Variants in LSM14A observed in about 807,000 individuals in gnomAD.
The protein encoded by LSM14A is LSM14A mRNA processing body assembly factor.
In LSM14A, 14 loss-of-function variants were observed where a neutral mutation model predicts 52.4. The ratio of observed to expected loss-of-function variants is 0.27; its 90% CI spans 0.18 to 0.42. The LOEUF (loss-of-function observed/expected upper bound fraction) is 0.42, where lower values mean the gene tolerates loss of function less well. LSM14A is among the 10% of genes least tolerant of loss of function. The probability of loss-of-function intolerance (pLI) is 1.00; values close to 1 mark genes in which losing one functional copy is unlikely to be tolerated. For synonymous variants in LSM14A, 185 were observed against 200.3 expected, an observed-to-expected ratio of 0.92 and a Z score of 0.64; for missense variants, 417 against 581.8, an observed-to-expected ratio of 0.72 and a Z score of 2.91.
intron 1 of LSM14A, among the ~76,000 whole-genome samples, chr19:34,182,029 C>T (rs896540831): frequency 6.6e-6 from 1 of 152,108 alleles, no homozygotes; most frequent in South Asian, 2.1e-4. Flanking sequence ...TGATCCGAAC[C>T]TATCAGCTCT....
chr19:34,209,240 T>C (rs551475042), intron 4 of LSM14A, among the ~76,000 whole-genome samples, 189 bp downstream of exon 4: 31 of 152,366 alleles, frequency 2.0e-4, no homozygotes, highest in Admixed American at 4.6e-4. Context: ...TTTAGACTTA[T>C]TACAGTTCTT....
intron 2 of LSM14A, among the ~76,000 whole-genome samples, chr19:34,195,614 C>T (rs551358291): frequency 3.3e-5 from 5 of 152,310 alleles, no homozygotes; most frequent in African/African-American, 7.2e-5. Context: ...AAATTCTCTA[C>T]TCTCATCTAC....
intron 1 of LSM14A, among the ~76,000 whole-genome samples, chr19:34,192,316 G>GGTTTTTTTTTTTTTTTTTTTTTTTT (rs1341848304): frequency 6.1e-5 from 4 of 65,822 alleles, no homozygotes; most frequent in Non-Finnish European, 5.8e-5. Flanking sequence ...CATTCTTTTT[G>GGTTTTTTTTTTTTTTTTTTTTTTTT]TTGTTTTTTT....
intron 3 of LSM14A, among the ~76,000 whole-genome samples, chr19:34,204,407 T>C (rs1039979277): frequency 1.4e-4 from 21 of 152,048 alleles, no homozygotes; most frequent in African/African-American, 4.8e-5. Context: ...CAAGGGAAAT[T>C]AGAGAATATT....
intron 4 of LSM14A, among the ~76,000 whole-genome samples, chr19:34,210,230 T>C (rs912710951): frequency 2.0e-5 from 3 of 152,144 alleles, no homozygotes; most frequent in African/African-American, 7.2e-5. Flanking sequence ...TATTTTGAAA[T>C]AGTTCTTACT....
intron 1 of LSM14A, among the ~76,000 whole-genome samples, chr19:34,184,342 T>C (rs929700052): frequency 7.2e-5 from 11 of 152,236 alleles, no homozygotes; most frequent in African/African-American, 2.4e-4. Context: ...CATGAGCCAC[T>C]GCGCCCAGCC....
intron 1 of LSM14A, among the ~76,000 whole-genome samples, chr19:34,184,267 G>T (rs2069723270): frequency 6.6e-6 from 1 of 151,986 alleles, no homozygotes; most frequent in African/African-American, 2.4e-5. Flanking sequence ...TGGCCAGGCT[G>T]GTCTCGAACT....
At chr19:34,226,535 T>G in intron 9 of LSM14A, 1 of 1,284,730 alleles carries the variant, frequency 7.8e-7, no homozygotes, top group Non-Finnish European at 1.1e-6. Flanking sequence ...ATCTTGTAGC[T>G]CATTGCTGTC....
intron 1 of LSM14A, among the ~76,000 whole-genome samples, chr19:34,175,592 G>C (rs766880585): frequency 1.3e-5 from 2 of 152,186 alleles, no homozygotes; most frequent in Admixed American, 1.3e-4. Context: ...GATTATGTTC[G>C]CAAAAACTGA....
At chr19:34,178,137 G>A (rs1170107301) in intron 1 of LSM14A, among the ~76,000 whole-genome samples, 6 of 151,362 alleles carry the variant, frequency 4.0e-5, no homozygotes, top group Admixed American at 3.9e-4. Context: ...CTCTAGCCTG[G>A]GCAACAGAGC....
intron 3 of LSM14A, among the ~76,000 whole-genome samples, chr19:34,204,136 C>T (rs1229783740): frequency 5.3e-5 from 8 of 152,102 alleles, no homozygotes; most frequent in Non-Finnish European, 8.8e-5. Context: ...ATACAACAGT[C>T]CTAAATGTGT....
At chr19:34,227,272 TTAAAGA>T (rs1164734453) in intron 9 of LSM14A, 87 bp from the exon 10 acceptor site, 1 of 835,660 alleles carries the variant, frequency 1.2e-6, no homozygotes, top group African/African-American at 1.8e-5. Context: ...GGGAGTATAT[TTAAAGA>T]TAATTTAAAA....
chr19:34,191,793 C>G (rs1568479354), intron 1 of LSM14A, among the ~76,000 whole-genome samples: 1 of 152,132 alleles, frequency 6.6e-6, no homozygotes, highest in East Asian at 1.9e-4. Context: ...AAGCATGAGA[C>G]TTTATTTGTT....
At chr19:34,202,720 T>A (rs1367018910) in intron 3 of LSM14A, among the ~76,000 whole-genome samples, 1 of 152,070 alleles carries the variant, frequency 6.6e-6, no homozygotes, top group African/African-American at 2.4e-5. Context: ...CAGTGGCGCA[T>A]CTCCGCTCAC....
chr19:34,212,501 G>A (rs1381421573), intron 4 of LSM14A, among the ~76,000 whole-genome samples: 2 of 152,138 alleles, frequency 1.3e-5, no homozygotes, highest in African/African-American at 4.8e-5. Context: ...AAATTTTGAA[G>A]TATGTGTTTA....
intron 1 of LSM14A, among the ~76,000 whole-genome samples, chr19:34,183,686 A>G (rs2069673341): frequency 1.3e-5 from 2 of 152,226 alleles, no homozygotes; most frequent in Middle Eastern, 3.2e-3. Flanking sequence ...GCCGCAACCT[A>G]AGTAGTCAGT....
At chr19:34,208,841 A>G in intron 3 of LSM14A, 88 bp from the exon 4 acceptor site, 1 of 843,738 alleles carries the variant, frequency 1.2e-6, no homozygotes, top group Non-Finnish European at 1.8e-6. Context: ...GACAATTACC[A>G]TCATTAAAAT....
intron 9 of LSM14A, chr19:34,226,313 GCT>G: frequency 2.5e-6 from 3 of 1,211,548 alleles, no homozygotes; most frequent in East Asian, 2.6e-5. Context: ...TCAGCATAAT[GCT>G]CTCTCTCCTC....
At chr19:34,219,616 C>G (rs763894020) in intron 7 of LSM14A, 43 bp downstream of exon 7, 1 of 1,578,188 alleles carries the variant, frequency 6.3e-7, no homozygotes, top group Non-Finnish European at 8.7e-7. Context: ...CTTATTTGAT[C>G]TGTGAATTAC....
Sources: allele counts gnomAD v4.1 joint callset (sites outside exome capture counted in the v4.1 genomes callset), GRCh38; gene constraint gnomAD v4.1.1; transcripts MANE v1.5; gene names NCBI Gene and HGNC (gene_info 2026-07-23, HGNC 2026-07-21).